The following FLRT1 variants were observed in gnomAD, a reference collection of about 807,000 sequenced individuals.
FLRT1 encodes the protein leucine-rich repeat transmembrane protein FLRT1.
FLRT1 carries 14 observed loss-of-function variants against 30.9 expected under a neutral mutation model. That is an observed-to-expected ratio of 0.45 (90% CI 0.30 to 0.71). The LOEUF (loss-of-function observed/expected upper bound fraction) is 0.71. FLRT1 is among the 30% of genes least tolerant of loss of function. The pLI is 0.08. For synonymous variants in FLRT1, 368 were observed against 430.4 expected (o/e 0.85, Z 1.80); for missense variants, 737 against 949.2 (o/e 0.78, Z 2.94).
At chr11:64,047,261 G>A (rs1025624861) in intron 1 of FLRT1, among the ~76,000 whole-genome samples, 14 of 152,124 alleles carry the variant, frequency 9.2e-5, no homozygotes, top group Non-Finnish European at 1.9e-4. Context: ...CTCCCAGCAA[G>A]CCTTCCTGGC....
chr11:64,093,523 G>A (rs562090429), intron 1 of FLRT1, among the ~76,000 whole-genome samples: 1 of 152,334 alleles, frequency 6.6e-6, no homozygotes, highest in East Asian at 1.9e-4. Flanking sequence ...CCCACCTTTG[G>A]GCATCTCTGC....
At chr11:64,083,390 T>A (rs1272473420) in intron 1 of FLRT1, among the ~76,000 whole-genome samples, 1 of 152,120 alleles carries the variant, frequency 6.6e-6, no homozygotes, top group Admixed American at 6.6e-5. Flanking sequence ...GAGCTGAGAT[T>A]GCACCACTGC....
At chr11:64,062,570 T>C (rs1307990821) in intron 1 of FLRT1, among the ~76,000 whole-genome samples, 3 of 152,196 alleles carry the variant, frequency 2.0e-5, no homozygotes, top group East Asian at 1.9e-4. Context: ...TCGGTCTCTG[T>C]TTCCTGAACA....
At chr11:64,038,431 C>T (rs1052599823) in intron 1 of FLRT1, among the ~76,000 whole-genome samples, 8 of 152,184 alleles carry the variant, frequency 5.3e-5, no homozygotes, top group Admixed American at 5.2e-4. Flanking sequence ...GTGCTTGCTT[C>T]GAAGTTAGCT....
At chr11:64,041,198 G>GAAA in intron 1 of FLRT1, among the ~76,000 whole-genome samples, 1 of 18,958 alleles carries the variant, frequency 5.3e-5, no homozygotes, top group African/African-American at 4.6e-4. Context: ...TTAGCAAACT[G>GAAA]TAAAAAAAAA....
chr11:64,065,616 A>C (rs4980520), intron 1 of FLRT1, among the ~76,000 whole-genome samples: 70,118 of 148,562 alleles, frequency 0.47, 16,752 homozygotes, highest in South Asian at 0.7. Flanking sequence ...GGTGAAACCC[A>C]GTCTCTACTA....
intron 1 of FLRT1, among the ~76,000 whole-genome samples, chr11:64,039,658 C>T (rs1380329105): frequency 1.3e-5 from 2 of 152,220 alleles, no homozygotes; most frequent in Non-Finnish European, 2.9e-5. Flanking sequence ...GCTGGAGACA[C>T]CAAGAGGGTT....
rs71468652 is a variant in FLRT1 at position 64,094,430 on chromosome 11, T to TAAA, written c.-1037-8751_-1037-8749dup. 4.3e-3 allele frequency among the ~76,000 whole-genome samples: 606 copies of TAAA among 142,554 alleles called. 7 individuals carry two copies. The highest frequency in any genetic ancestry group is 0.04 in the Middle Eastern group (11 of 274). 93.5% of individuals were successfully genotyped at this position (142,554 alleles called of 152,430 possible). ...TGGGCGACAGAGTGAGACTCCAACT[T>TAAA]AAAAAAAAAAAAAAATCCCAAAAAA... On this transcript the variant is annotated intron_variant, in intron 1 of 2. Transcript: ENST00000682287.
At chr11:64,074,006 G>C (rs1944156503) in intron 1 of FLRT1, among the ~76,000 whole-genome samples, 1 of 152,194 alleles carries the variant, frequency 6.6e-6, no homozygotes, top group Non-Finnish European at 1.5e-5. Context: ...CGTCTGGCCA[G>C]GCCCTGAGTC....
chr11:64,038,375 G>C (rs571027547), intron 1 of FLRT1, among the ~76,000 whole-genome samples: 1 of 152,352 alleles, frequency 6.6e-6, no homozygotes, highest in East Asian at 1.9e-4. Flanking sequence ...GGTGTTCTGC[G>C]TGTGGGTGCA....
chr11:64,049,411 T>C (rs1455147467), intron 1 of FLRT1, among the ~76,000 whole-genome samples: 5 of 152,180 alleles, frequency 3.3e-5, no homozygotes, highest in Admixed American at 6.5e-5. Flanking sequence ...CCCTGAGCAC[T>C]TCCTGTGCGC....
intron 1 of FLRT1, among the ~76,000 whole-genome samples, chr11:64,057,459 T>C (rs1273136878): frequency 1.3e-5 from 2 of 151,980 alleles, no homozygotes; most frequent in Non-Finnish European, 2.9e-5. Flanking sequence ...CCAGACCCAG[T>C]CCCTCCCCTC....
In FLRT1 at chr11:64,036,362, A is replaced by AGTAGCG; in HGVS notation, c.-1038+206_-1038+211dup. ...GTCCCTGAGTCAAGAGCCAAGCACC[A>AGTAGCG]GTAGCGGTGGCGCTGGCCCCGCCGC... On this transcript the variant is annotated intron_variant, in intron 1 of 2. Coordinates refer to ENST00000682287, the MANE Select transcript of FLRT1 (RefSeq NM_013280.5). This position sits in a 1 kb window ranked among gnomAD's most constrained non-coding sequence, Gnocchi z 5.6. Among the ~76,000 whole-genome samples, 1 of 152,176 alleles carries AGTAGCG rather than the reference A, an allele frequency of 6.6e-6. No homozygotes were observed. Among genetic ancestry groups the AGTAGCG allele is most frequent in the East Asian group, 1.9e-4 (1 of 5,136 alleles).
intron 1 of FLRT1, among the ~76,000 whole-genome samples, chr11:64,043,580 G>A (rs561811717): frequency 1.6e-4 from 25 of 152,298 alleles, no homozygotes; most frequent in African/African-American, 4.3e-4. Context: ...AGGTCAAATC[G>A]TGGAAAGGGA....
intron 1 of FLRT1, among the ~76,000 whole-genome samples, chr11:64,044,608 G>A (rs1212289346): frequency 6.6e-6 from 1 of 152,164 alleles, no homozygotes; most frequent in Non-Finnish European, 1.5e-5. Flanking sequence ...GAGGCACTGA[G>A]TGGCAAAGTC....
In FLRT1 at chr11:64,069,276, C is replaced by T. The variant is rs113585206; in HGVS notation, c.-1038+33117C>T. ...CCTGACACCGGAGACAGCTCTGAAC[C>T]GCAGGGGAAGGTGCTGCCAGGCCTG... On this transcript the variant is annotated intron_variant, in intron 1 of 2. Transcript: ENST00000682287. 6.2e-3 allele frequency among the ~76,000 whole-genome samples: 951 copies of T among 152,320 alleles called. 4 individuals carry two copies. The highest frequency in any genetic ancestry group is 0.014 in the Middle Eastern group (4 of 294).
chr11:64,075,121 CTT>C (rs1237883245), intron 1 of FLRT1, among the ~76,000 whole-genome samples: 1 of 152,236 alleles, frequency 6.6e-6, no homozygotes, highest in East Asian at 1.9e-4. Flanking sequence ...CTCTGGGCCT[CTT>C]TCTCTCACTT....
At position 64,064,628 on chromosome 11, in the gene FLRT1, T is replaced by C. The variant is rs1229583906; in HGVS notation, c.-1038+28469T>C. Among the ~76,000 whole-genome samples, 4 of 150,162 alleles carry C rather than the reference T, an allele frequency of 2.7e-5. No homozygotes were observed. The highest frequency in any genetic ancestry group is 2.2e-4 in the South Asian group (1 of 4,600). On this transcript the variant is annotated intron_variant, in intron 1 of 2. Coordinates refer to ENST00000682287, the MANE Select transcript of FLRT1 (RefSeq NM_013280.5). This position sits in a 1 kb window ranked among gnomAD's most constrained non-coding sequence, Gnocchi z 4.5. The stretch of plus-strand genomic sequence containing the variant: ...AACCCAGAATGTATCCTGACAGCAT[T>C]GGAACAGGATGCAGAGTAGGGGCCT...
intron 1 of FLRT1, among the ~76,000 whole-genome samples, chr11:64,055,906 G>A (rs1943776773): frequency 6.6e-6 from 1 of 152,216 alleles, no homozygotes; most frequent in South Asian, 2.1e-4. Context: ...GCAGGGCACA[G>A]CAGGTGAGGG....
Sources: gnomAD v4.1 joint callset for allele counts (sites outside exome capture counted in the v4.1 genomes callset) on GRCh38, gnomAD v4.1.1 for gene constraint, Gnocchi (gnomAD v3.1) non-coding constraint, MANE v1.5 for transcripts, NCBI Gene and HGNC (gene_info 2026-07-23, HGNC 2026-07-21) for gene names.